The following LARP1B variants were observed in gnomAD, a reference collection of about 807,000 sequenced individuals.
The protein encoded by LARP1B is La ribonucleoprotein 1B, also known as la-related protein 1B.
A neutral mutation model predicts 114.2 loss-of-function variants in LARP1B; 76 were observed. The observed-to-expected ratio is 0.67, with a 90% CI of 0.55 to 0.81. The LOEUF (loss-of-function observed/expected upper bound fraction) is 0.81. Among genes scored for constraint, LARP1B ranks in the 30% least tolerant of loss-of-function variants. The pLI is 0.00. For synonymous variants in LARP1B, 345 were observed against 348.0 expected, an observed-to-expected ratio of 0.99 and a Z score of 0.10; for missense variants, 1,014 against 1,075.8, an observed-to-expected ratio of 0.94 and a Z score of 0.80.
intron 15 of LARP1B, among the ~76,000 whole-genome samples, chr4:128,195,979 C>T (rs957950821): frequency 2.6e-5 from 4 of 152,012 alleles, no homozygotes; most frequent in African/African-American, 9.7e-5. Context: ...GTGGGCTGGG[C>T]GTGGTGGCTC....
intron 1 of LARP1B, among the ~76,000 whole-genome samples, chr4:128,065,022 A>G (rs1368131055): frequency 1.3e-5 from 2 of 152,168 alleles, no homozygotes; most frequent in Admixed American, 6.6e-5. Context: ...CAGTTAAGCT[A>G]TTGGTGCCTT....
At chr4:128,143,341 A>G (rs935470812) in intron 11 of LARP1B, among the ~76,000 whole-genome samples, 2 of 152,220 alleles carry the variant, frequency 1.3e-5, no homozygotes, top group South Asian at 2.1e-4. Flanking sequence ...AATCCCTTGC[A>G]CAAGTTAGTA....
chr4:128,107,693 AT>A, intron 9 of LARP1B: 1 of 1,435,876 alleles, frequency 7.0e-7, no homozygotes. Context: ...TCTTCCTTTA[AT>A]TTTGTTACCA....
chr4:128,106,351 C>T (rs1479117165), intron 8 of LARP1B, among the ~76,000 whole-genome samples: 6 of 152,134 alleles, frequency 3.9e-5, no homozygotes, highest in Non-Finnish European at 5.9e-5. Flanking sequence ...GCATGTTCTC[C>T]AGCTAAAATG....
intron 7 of LARP1B, among the ~76,000 whole-genome samples, chr4:128,097,840 T>A (rs574832130): frequency 1.3e-5 from 2 of 152,264 alleles, no homozygotes; most frequent in Non-Finnish European, 2.9e-5. Flanking sequence ...CAAGTAGAAG[T>A]GGCTTTGTAA....
intron 4 of LARP1B, among the ~76,000 whole-genome samples, chr4:128,081,631 T>A (rs761036274): frequency 2.6e-5 from 4 of 152,232 alleles, no homozygotes; most frequent in Non-Finnish European, 5.9e-5. Flanking sequence ...GGGATTGTAC[T>A]TTTTACTCTC....
chr4:128,061,466 C>G (rs1379453543), intron 1 of LARP1B, 65 bp downstream of exon 1: 1 of 162,200 alleles, frequency 6.2e-6, no homozygotes, highest in African/African-American at 2.4e-5. Context: ...GCGTGCGTCG[C>G]GGAGAGGACG....
intron 15 of LARP1B, among the ~76,000 whole-genome samples, chr4:128,191,859 C>T (rs943679790): frequency 3.3e-5 from 5 of 152,130 alleles, no homozygotes; most frequent in Non-Finnish European, 5.9e-5. Context: ...CTGTCCTCCT[C>T]CATCTAACTT....
intron 11 of LARP1B, among the ~76,000 whole-genome samples, chr4:128,144,524 G>GT (rs571700204): frequency 1.3e-5 from 2 of 150,876 alleles, no homozygotes; most frequent in Non-Finnish European, 3.0e-5. Context: ...TTTTTGTTTT[G>GT]TTTTTTTGAG....
chr4:128,129,431 A>C (rs1385654929), intron 11 of LARP1B, among the ~76,000 whole-genome samples: 2 of 152,114 alleles, frequency 1.3e-5, no homozygotes, highest in East Asian at 3.9e-4. Flanking sequence ...CAATAATGTC[A>C]TGTCAGTTCT....
At chr4:128,164,993 A>G (rs1188921346) in intron 12 of LARP1B, among the ~76,000 whole-genome samples, 1 of 152,154 alleles carries the variant, frequency 6.6e-6, no homozygotes, top group Non-Finnish European at 1.5e-5. Context: ...TAAAAAAATA[A>G]AAAAGGGATG....
chr4:128,086,759 G>T (rs926555145), intron 5 of LARP1B, among the ~76,000 whole-genome samples: 1 of 152,086 alleles, frequency 6.6e-6, no homozygotes, highest in African/African-American at 2.4e-5. Flanking sequence ...TTAATATTGA[G>T]TTAGCTCAGG....
intron 9 of LARP1B, among the ~76,000 whole-genome samples, chr4:128,112,646 G>A (rs1784517660): frequency 6.6e-6 from 1 of 151,062 alleles, no homozygotes; most frequent in Non-Finnish European, 1.5e-5. Flanking sequence ...GCTAGTTTTT[G>A]TATTTTCAGT....
intron 15 of LARP1B, among the ~76,000 whole-genome samples, chr4:128,192,794 T>C (rs6534670): frequency 0.59 from 89,645 of 151,658 alleles, 27,620 homozygotes; most frequent in Middle Eastern, 0.8. Flanking sequence ...CAACATTAAA[T>C]TTTCATTATT....
intron 12 of LARP1B, among the ~76,000 whole-genome samples, chr4:128,165,387 G>T (rs1329643763): frequency 6.6e-6 from 1 of 151,686 alleles, no homozygotes; most frequent in African/African-American, 2.4e-5. Flanking sequence ...CCAATATATT[G>T]CTATGACAGG....
chr4:128,106,273 CG>C (rs1442792595), intron 8 of LARP1B, among the ~76,000 whole-genome samples: 2 of 152,172 alleles, frequency 1.3e-5, no homozygotes, highest in African/African-American at 4.8e-5. Flanking sequence ...CCACCCGCCC[CG>C]GTCTCCCAAA....
At chr4:128,151,852 C>T (rs1295281621) in intron 11 of LARP1B, among the ~76,000 whole-genome samples, 1 of 152,174 alleles carries the variant, frequency 6.6e-6, no homozygotes, top group Non-Finnish European at 1.5e-5. Context: ...GATCTGCCCA[C>T]CTTGGCCTCC....
At chr4:128,191,364 AGT>A (rs1752208697) in intron 15 of LARP1B, among the ~76,000 whole-genome samples, 1 of 152,172 alleles carries the variant, frequency 6.6e-6, no homozygotes, top group Admixed American at 6.5e-5. Flanking sequence ...TATTTATCCC[AGT>A]CTTTGCTGTC....
At chr4:128,119,596 G>T (rs1235321505) in intron 10 of LARP1B, among the ~76,000 whole-genome samples, 2 of 152,156 alleles carry the variant, frequency 1.3e-5, no homozygotes, top group Non-Finnish European at 2.9e-5. Flanking sequence ...TATTTTGATT[G>T]CCATCCAATA....
Sources: allele counts gnomAD v4.1 joint callset (sites outside exome capture counted in the v4.1 genomes callset), GRCh38; gene constraint gnomAD v4.1.1; transcripts MANE v1.5; gene names NCBI Gene and HGNC (gene_info 2026-07-23, HGNC 2026-07-21).